BABAM1: variants seen among roughly 807,000 people sequenced by gnomAD.
The protein encoded by BABAM1 is BRISC and BRCA1 A complex member 1.
A neutral mutation model predicts 34.4 loss-of-function variants in BABAM1; 14 were observed. That is an observed-to-expected ratio of 0.41 (90% CI 0.27 to 0.64). The LOEUF is 0.64. Among genes scored for constraint, BABAM1 ranks in the 30% least tolerant of loss-of-function variants. The pLI is 0.34. For missense variants in BABAM1, 393 were observed against 434.0 expected (o/e 0.91, Z 0.84); for synonymous variants, 169 against 165.8 (o/e 1.02, Z -0.15).
chr19:17,273,824 A>G, intron 3 of BABAM1, 80 bp from the exon 4 acceptor site: 2 of 1,491,452 alleles, frequency 1.3e-6, no homozygotes, highest in Non-Finnish European at 1.8e-6. Flanking sequence ...CAGCCTCCCA[A>G]AGTACTGGAA....
At position 17,275,203 on chromosome 19, in the gene BABAM1, C is replaced by T. The variant is rs185009679; in HGVS notation, c.545-598C>T. Among the ~76,000 whole-genome samples the T allele has an allele frequency of 2.4e-3, 366 of 152,230 alleles. 2 individuals are homozygous for T. The highest frequency in any genetic ancestry group is 1.8e-3 in the Non-Finnish European group (122 of 68,006). The stretch of plus-strand genomic sequence containing the variant: ...TACAGGCATGAGCCACCATACCCGG[C>T]CCCATTCTGTTTTAAAACATAAATT... On this transcript the variant is annotated intron_variant, in intron 5 of 8. Coordinates refer to ENST00000598188, the MANE Select transcript of BABAM1 (RefSeq NM_014173.4).
chr19:17,269,929 CT>C (rs1229409830), intron 2 of BABAM1, among the ~76,000 whole-genome samples: 234 of 126,160 alleles, frequency 1.9e-3, no homozygotes, highest in Middle Eastern at 4.2e-3. Flanking sequence ...TTCTTTCTTT[CT>C]TTTTTTTTTT....
Position 17,274,176 on chromosome 19 carries a change from T to C in BABAM1, c.535T>C (p.Ser179Pro), listed in dbSNP as rs1457813895. 6.2e-7 allele frequency: 1 copy of C among 1,613,058 alleles called. No individual in the cohort carries two copies. The highest frequency in any genetic ancestry group is 8.5e-7 in the Non-Finnish European group (1 of 1,179,860). The change falls in exon 5 of 9, where the codon TCC becomes CCC. Residue 179 changes from serine to proline, a missense_variant. Coordinates refer to ENST00000598188, the MANE Select transcript of BABAM1 (RefSeq NM_014173.4). ...CLYDLETASC[S>P]TFNLEGLFSL... The stretch of plus-strand genomic sequence containing the variant: ...CTATGATCTGGAGACGGCCTCCTGT[T>C]CCACCTTCAGTATCCTTCCTGGCAG...
intron 7 of BABAM1, 46 bp from the exon 8 acceptor site, chr19:17,276,777 G>C: frequency 6.4e-7 from 1 of 1,571,936 alleles, no homozygotes; most frequent in Non-Finnish European, 8.6e-7. Flanking sequence ...ATGGGGCACG[G>C]GGTGACCCAA....
chr19:17,275,892 C>T, intron 6 of BABAM1, 67 bp downstream of exon 6: 11 of 1,546,326 alleles, frequency 7.1e-6, no homozygotes, highest in Non-Finnish European at 9.8e-6. Flanking sequence ...GAAAAAGCTC[C>T]AAACGGCACA....
chr19:17,276,311 T>C, intron 6 of BABAM1, 184 bp from the exon 7 acceptor site: 1 of 819,768 alleles, frequency 1.2e-6, no homozygotes. Flanking sequence ...CTTAGAGGGG[T>C]GGGGCTGGGA....
At chr19:17,275,378 C>T (rs917028258) in intron 5 of BABAM1, among the ~76,000 whole-genome samples, 4 of 152,054 alleles carry the variant, frequency 2.6e-5, no homozygotes, top group African/African-American at 9.7e-5. Context: ...GCAATCTCCA[C>T]CTCCCGAGTT....
rs1312503161 is a variant in BABAM1, at chr19:17,276,633, G to A, written c.699+9G>A. The A allele has an allele frequency of 5.0e-6, 8 of 1,599,744 alleles. No homozygotes were observed. The highest frequency in any genetic ancestry group is 6.8e-6 in the Non-Finnish European group (8 of 1,173,352). On this transcript the variant is annotated intron_variant, in intron 7 of 8. Transcript: ENST00000598188. ...TGACGGAGCCCATGAAGGTGGGTGA[G>A]GCCTGGGAGAGGGAGGGGTGCCTGC...
intron 5 of BABAM1, 58 bp from the exon 6 acceptor site, chr19:17,275,743 G>C (rs1310286571): frequency 2.5e-6 from 4 of 1,610,992 alleles, no homozygotes; most frequent in Non-Finnish European, 2.5e-6. Context: ...GATCGGGGAA[G>C]CCACCTGTTT....
At chr19:17,271,684 T>C (rs1473321980) in intron 3 of BABAM1, 29 bp downstream of exon 3, 2 of 1,610,902 alleles carry the variant, frequency 1.2e-6, no homozygotes, top group Non-Finnish European at 1.7e-6. Context: ...GGCTTGAACA[T>C]GCAGCCATGG....
At chr19:17,276,062 G>A (rs1679566623) in intron 6 of BABAM1, among the ~76,000 whole-genome samples, 2 of 152,152 alleles carry the variant, frequency 1.3e-5, no homozygotes, top group South Asian at 4.1e-4. Flanking sequence ...GGACACTGAG[G>A]GTGGCCGGGC....
chr19:17,269,279 C>T (rs1037733978), intron 2 of BABAM1, among the ~76,000 whole-genome samples, 188 bp downstream of exon 2: 11 of 151,662 alleles, frequency 7.3e-5, no homozygotes, highest in African/African-American at 2.7e-4. Flanking sequence ...AGTCAGGTGT[C>T]GCCAGGGCCA....
chr19:17,268,410 C>A (rs970748070), intron 1 of BABAM1: 28 of 169,742 alleles, frequency 1.6e-4, no homozygotes, highest in Middle Eastern at 6.0e-3. Context: ...CGCCCCTCTT[C>A]CTTCTTAGTA....
intron 2 of BABAM1, among the ~76,000 whole-genome samples, chr19:17,271,261 A>G (rs1209339285): frequency 6.6e-6 from 1 of 152,106 alleles, no homozygotes; most frequent in Admixed American, 6.5e-5. Context: ...AAGTGCTGGG[A>G]TTACAGGTGT....
chr19:17,273,038 A>T (rs1040383665), intron 3 of BABAM1, among the ~76,000 whole-genome samples: 4 of 152,150 alleles, frequency 2.6e-5, no homozygotes, highest in African/African-American at 7.2e-5. Flanking sequence ...AAAATAAAAT[A>T]AAAAAAGAGT....
intron 5 of BABAM1, 76 bp from the exon 6 acceptor site, chr19:17,275,725 G>C: frequency 6.3e-7 from 1 of 1,591,724 alleles, no homozygotes; most frequent in Admixed American, 1.7e-5. Flanking sequence ...GGTCTCCTCT[G>C]GTATCGGGAT....
At chr19:17,268,278 A>AG (rs2073792343) in intron 1 of BABAM1, among the ~76,000 whole-genome samples, 1 of 150,628 alleles carries the variant, frequency 6.6e-6, no homozygotes, top group African/African-American at 2.4e-5. Context: ...AGGAAAAAAG[A>AG]GGGGGGACTG....
intron 8 of BABAM1, 35 bp from the exon 9 acceptor site, chr19:17,278,810 G>A: frequency 1.3e-6 from 2 of 1,580,400 alleles, no homozygotes; most frequent in Non-Finnish European, 8.6e-7. Flanking sequence ...ACCTCTGCCT[G>A]AACAGCCCTT....
At chr19:17,269,211 G>C (rs879407863) in intron 2 of BABAM1, 120 bp downstream of exon 2, 1 of 1,238,416 alleles carries the variant, frequency 8.1e-7, no homozygotes, top group Non-Finnish European at 1.1e-6. Flanking sequence ...ACAAGTCACC[G>C]TGGACTTGGT....
Sources: allele counts gnomAD v4.1 joint callset (sites outside exome capture counted in the v4.1 genomes callset), GRCh38; gene constraint gnomAD v4.1.1; transcripts MANE v1.5; gene names NCBI Gene and HGNC (gene_info 2026-07-23, HGNC 2026-07-21).